USP34: variants seen among roughly 807,000 people sequenced by gnomAD.
USP34 encodes the protein ubiquitin specific peptidase 34.
A neutral mutation model predicts 460.3 loss-of-function variants in USP34; 70 were observed. That is an observed-to-expected ratio of 0.15 (90% CI 0.13 to 0.19). The LOEUF (loss-of-function observed/expected upper bound fraction) is 0.19. USP34 is among the 10% of genes least tolerant of loss of function. The pLI is 1.00. For missense variants in USP34, 3,985 were observed against 4,236.2 expected, an observed-to-expected ratio of 0.94 and a Z score of 1.65; for synonymous variants, 1,647 against 1,405.3, an observed-to-expected ratio of 1.17 and a Z score of -3.85.
intron 49 of USP34, among the ~76,000 whole-genome samples, chr2:61,247,267 CT>C (rs1688441564): frequency 1.3e-5 from 2 of 152,162 alleles, no homozygotes; most frequent in Admixed American, 1.3e-4. Context: ...ATGATGAGAT[CT>C]GGCTGACTTG....
At chr2:61,433,515 T>A (rs1254658493) in intron 1 of USP34, among the ~76,000 whole-genome samples, 3 of 152,004 alleles carry the variant, frequency 2.0e-5, no homozygotes, top group African/African-American at 7.3e-5. Flanking sequence ...GTGCCTGTAA[T>A]CCCAACTACT....
In USP34 at chr2:61,204,569, G is replaced by T. The variant is rs754096886; in HGVS notation, c.9187C>A (p.His3063Asn). 8.1e-6 allele frequency: 13 copies of T among 1,613,822 alleles called. No individual in the cohort carries two copies. The Admixed American group carries it at 2.2e-4, about 27-fold the overall frequency. The change falls in exon 73 of 80, where the codon CAT becomes AAT. Residue 3063 changes from histidine to asparagine, a missense_variant. By Grantham distance (68) the His-to-Asn change is moderately conservative. This residue lies in a region of USP34 where 275 missense variants were observed against 292.7 expected (regional missense o/e 0.94). Transcript: ENST00000398571. ...VLKELVLLSP[H>N]DFLHTLVPFL... The stretch of plus-strand genomic sequence containing the variant: ...GGAACCAGAGTATGAAGAAAATCAT[G>T]GGGACTCAAAAGTACAAGTTCCTTG...
At chr2:61,300,808 CAAA>C in intron 29 of USP34, 140 bp downstream of exon 29, 1 of 454,578 alleles carries the variant, frequency 2.2e-6, no homozygotes, top group Non-Finnish European at 3.3e-6. Flanking sequence ...AAAAAGAAAA[CAAA>C]AAAAAAATGA....
intron 67 of USP34, among the ~76,000 whole-genome samples, chr2:61,218,464 A>C (rs1379562884): frequency 6.6e-6 from 1 of 152,082 alleles, no homozygotes; most frequent in African/African-American, 2.4e-5. Flanking sequence ...AGTTTCCCCC[A>C]CAGTTAACAC....
At chr2:61,454,911 C>T (rs556595279) in intron 1 of USP34, among the ~76,000 whole-genome samples, 3 of 129,898 alleles carry the variant, frequency 2.3e-5, no homozygotes, top group Admixed American at 1.7e-4. Flanking sequence ...ATGAGTCTCA[C>T]TAGTCGCCCA....
chr2:61,256,840 T>C, intron 47 of USP34, 33 bp downstream of exon 47: 2 of 1,509,074 alleles, frequency 1.3e-6, no homozygotes, highest in South Asian at 1.3e-5. Flanking sequence ...GGTAAAAGCA[T>C]AAAGTAAAAA....
At chr2:61,407,637 A>G (rs1188064166) in intron 2 of USP34, among the ~76,000 whole-genome samples, 5 of 152,172 alleles carry the variant, frequency 3.3e-5, no homozygotes, top group Non-Finnish European at 5.9e-5. Flanking sequence ...ACTCACTTCT[A>G]GTGAATAGAA....
intron 15 of USP34, 145 bp downstream of exon 15, chr2:61,347,719 CTTGAAA>C: frequency 7.1e-7 from 1 of 1,408,928 alleles, no homozygotes; most frequent in Non-Finnish European, 9.4e-7. Flanking sequence ...CAATAGAAAA[CTTGAAA>C]TTATCTATTT....
intron 75 of USP34, chr2:61,194,127 C>A: frequency 1.0e-6 from 1 of 985,372 alleles, no homozygotes. Flanking sequence ...TTGAGAACAT[C>A]CTACACAGGC....
intron 1 of USP34, among the ~76,000 whole-genome samples, chr2:61,466,057 T>C (rs1456844352): frequency 6.6e-6 from 1 of 151,868 alleles, no homozygotes; most frequent in East Asian, 1.9e-4. Flanking sequence ...TAGGGAGAGA[T>C]TTGTTAAAGA....
At position 61,417,652 on chromosome 2, in the gene USP34, GT is replaced by G. The variant is rs200759510; in HGVS notation, c.131+3093del. 9.2e-3 allele frequency among the ~76,000 whole-genome samples: 1,228 copies of G among 133,458 alleles called. 19 individuals are homozygous for G. The highest frequency in any genetic ancestry group is 0.047 in the Middle Eastern group (10 of 214). 87.6% of individuals were successfully genotyped at this position (133,458 alleles called of 152,430 possible). A position where few individuals can be genotyped will look rare whatever the true frequency, so the allele number is the denominator to read the frequency against. On this transcript the variant is annotated intron_variant, in intron 2 of 79. Coordinates refer to ENST00000398571, the MANE Select transcript of USP34 (RefSeq NM_014709.4). ...CAATTCTCTGTAGTTTCTCAAAGTTGTTTTTTTTTCCCTACAATGACTGTAT... is the reference window on the plus strand; with the variant it reads ...CAATTCTCTGTAGTTTCTCAAAGTTGTTTTTTTTCCCTACAATGACTGTAT...
chr2:61,293,987 C>A (rs909990858), intron 32 of USP34, among the ~76,000 whole-genome samples: 1 of 151,958 alleles, frequency 6.6e-6, no homozygotes, highest in African/African-American at 2.4e-5. Flanking sequence ...TGCAATCCAG[C>A]CTGGGTGACA....
In USP34 at chr2:61,229,652, A is replaced by T. The variant is rs755415961; in HGVS notation, c.7114-19T>A. 2 of 1,597,608 alleles carry T rather than the reference A, an allele frequency of 1.3e-6. No homozygotes were observed. Among genetic ancestry groups the T allele is most frequent in the Non-Finnish European group, 1.7e-6 (2 of 1,172,034 alleles). On this transcript the variant is annotated intron_variant, in intron 58 of 79. Coordinates refer to ENST00000398571, the MANE Select transcript of USP34 (RefSeq NM_014709.4). Reference sequence around the variant, plus strand: ...GAAACATCTGTGAAGAAAGAAAAAGATCAAACAAGAGCCAACTCATCAGGT... The same window carrying T: ...GAAACATCTGTGAAGAAAGAAAAAGTTCAAACAAGAGCCAACTCATCAGGT...
At chr2:61,340,864 T>G (rs1691576553) in intron 16 of USP34, among the ~76,000 whole-genome samples, 1 of 151,704 alleles carries the variant, frequency 6.6e-6, no homozygotes, top group African/African-American at 2.4e-5. Context: ...TTGTCTTTTT[T>G]TTTTTTTTTT....
At chr2:61,379,936 G>C (rs1458517580) in intron 7 of USP34, among the ~76,000 whole-genome samples, 1 of 152,160 alleles carries the variant, frequency 6.6e-6, no homozygotes, top group Non-Finnish European at 1.5e-5. Context: ...AATGATGAAA[G>C]AGTTGGACCC....
intron 75 of USP34, among the ~76,000 whole-genome samples, chr2:61,195,745 AAT>A (rs1016583184): frequency 1.4e-4 from 21 of 152,222 alleles, no homozygotes; most frequent in African/African-American, 4.8e-4. Context: ...TGGAGTCTAA[AAT>A]ATATAGTGTC....
intron 8 of USP34, among the ~76,000 whole-genome samples, chr2:61,373,786 T>C (rs1558556720): frequency 6.6e-6 from 1 of 152,198 alleles, no homozygotes; most frequent in African/African-American, 2.4e-5. Flanking sequence ...GTACATAATA[T>C]AGATATCATA....
chr2:61,253,738 C>CTT (rs773120038), intron 48 of USP34, among the ~76,000 whole-genome samples: 8 of 142,220 alleles, frequency 5.6e-5, no homozygotes, highest in South Asian at 2.2e-4. Flanking sequence ...GTTTTTATTG[C>CTT]TTTTTTTTTT....
intron 39 of USP34, among the ~76,000 whole-genome samples, chr2:61,278,954 A>T (rs1424089058): frequency 6.6e-6 from 1 of 152,178 alleles, no homozygotes; most frequent in Non-Finnish European, 1.5e-5. Flanking sequence ...ACTTCTCGTT[A>T]TAACTAAACA....
Sources: gnomAD v4.1 joint callset for allele counts (sites outside exome capture counted in the v4.1 genomes callset) on GRCh38, gnomAD v4.1.1 for gene constraint, gnomAD v4.1.1 regional missense constraint, MANE v1.5 for transcripts, NCBI Gene and HGNC (gene_info 2026-07-23, HGNC 2026-07-21) for gene names.